ITPR2: variants seen among roughly 807,000 people sequenced by gnomAD.
ITPR2 encodes the protein inositol 1,4,5-trisphosphate-gated calcium channel ITPR2.
A neutral mutation model predicts 317.1 loss-of-function variants in ITPR2; 207 were observed. That is an observed-to-expected ratio of 0.65 (90% CI 0.58 to 0.73). The LOEUF (loss-of-function observed/expected upper bound fraction) is 0.73. ITPR2 is among the 30% of genes least tolerant of loss of function. The pLI, the probability that ITPR2 is intolerant of heterozygous loss-of-function variation, is 0.00. For missense variants in ITPR2, 2,613 were observed against 3,284.0 expected (o/e 0.80, Z 4.99); for synonymous variants, 1,156 against 1,149.1 (o/e 1.01, Z -0.12).
chr12:26,497,391 T>C (rs1181023694), intron 37 of ITPR2, among the ~76,000 whole-genome samples: 2 of 152,188 alleles, frequency 1.3e-5, no homozygotes, highest in Admixed American at 1.3e-4. Context: ...CCTGACCTCC[T>C]GATCCGCCTG....
At chr12:26,648,052 T>C (rs1485942103) in intron 21 of ITPR2, among the ~76,000 whole-genome samples, 2 of 152,140 alleles carry the variant, frequency 1.3e-5, no homozygotes, top group South Asian at 4.1e-4. Flanking sequence ...CAACTTACAA[T>C]GACACTGAGG....
chr12:26,538,766 A>G (rs10842752), intron 37 of ITPR2, among the ~76,000 whole-genome samples: 88,932 of 151,624 alleles, frequency 0.59, 29,129 homozygotes, highest in Non-Finnish European at 0.76. Context: ...TAGTAGATAC[A>G]GGGTTTCACC....
intron 2 of ITPR2, among the ~76,000 whole-genome samples, chr12:26,767,960 T>C (rs35333321): frequency 0.033 from 5,079 of 152,176 alleles, 124 homozygotes; most frequent in Non-Finnish European, 0.053. Flanking sequence ...TCACAGAAAA[T>C]AGGCTTTCTC....
chr12:26,794,635 C>T (rs1298748111), intron 1 of ITPR2, among the ~76,000 whole-genome samples: 2 of 152,204 alleles, frequency 1.3e-5, no homozygotes, highest in Admixed American at 6.5e-5. Flanking sequence ...ATAAGTATGA[C>T]ATACACATTA....
intron 24 of ITPR2, among the ~76,000 whole-genome samples, chr12:26,622,991 C>T (rs1464603202): frequency 6.6e-6 from 1 of 152,172 alleles, no homozygotes; most frequent in East Asian, 1.9e-4. Context: ...AATACAACAC[C>T]ACAAACTAGT....
chr12:26,811,045 A>C (rs1447084719), intron 1 of ITPR2, among the ~76,000 whole-genome samples: 2 of 44,390 alleles, frequency 4.5e-5, no homozygotes, highest in East Asian at 1.1e-3. Flanking sequence ...ACAAAAAAAA[A>C]AAAAAAAAAA....
chr12:26,818,544 C>A (rs1337263279), intron 1 of ITPR2, among the ~76,000 whole-genome samples: 1 of 152,166 alleles, frequency 6.6e-6, no homozygotes, highest in Non-Finnish European at 1.5e-5. Context: ...AATAAAAGTC[C>A]TTTTCTCATT....
At chr12:26,768,580 A>AC (rs1949779669) in intron 2 of ITPR2, among the ~76,000 whole-genome samples, 11 of 119,854 alleles carry the variant, frequency 9.2e-5, no homozygotes, top group Non-Finnish European at 2.0e-4. Flanking sequence ...ATAAAAAAAA[A>AC]AAAAAAAAAA....
intron 14 of ITPR2, among the ~76,000 whole-genome samples, chr12:26,664,320 T>C (rs1947570110): frequency 2.2e-5 from 2 of 92,464 alleles, no homozygotes; most frequent in Admixed American, 2.7e-4. Context: ...AACTGCTTTA[T>C]AAAAGAGTTA....
intron 37 of ITPR2, among the ~76,000 whole-genome samples, chr12:26,516,320 A>AGGAAG (rs1943514273): frequency 2.9e-4 from 42 of 143,558 alleles, no homozygotes; most frequent in Middle Eastern, 3.6e-3. Flanking sequence ...AGGAAAGGAA[A>AGGAAG]GGAAAGGAAA....
rs1404127969 is a variant in ITPR2, at chr12:26,428,064, A to G, written c.6794T>C (p.Val2265Ala). 1 of 1,605,648 alleles carries G rather than the reference A, an allele frequency of 6.2e-7. No individual in the cohort carries two copies. Among genetic ancestry groups the G allele is most frequent in the African/African-American group, 1.3e-5 (1 of 74,366 alleles). Residue 2265 changes from valine (V) to alanine (A), a missense_variant, in exon 49 of 57, where the codon GTT becomes GCT. Physicochemically the swap from Val to Ala is moderately conservative, Grantham distance 64. Coordinates refer to ENST00000381340, the MANE Select transcript of ITPR2 (RefSeq NM_002223.4). ...DEGTLSPLFS[V>A]LLWIAVAICT... ...GATCGCAACTGCTATCCAAAGAAGA[A>G]CCGAGAACAATGGAGAAAGTGTACC...
At chr12:26,531,471 A>AT (rs1308571952) in intron 37 of ITPR2, among the ~76,000 whole-genome samples, 1 of 152,112 alleles carries the variant, frequency 6.6e-6, no homozygotes, top group African/African-American at 2.4e-5. Context: ...ATGCTCCTTG[A>AT]TTTTTTCATT....
intron 1 of ITPR2, among the ~76,000 whole-genome samples, chr12:26,807,662 T>A (rs1387754128): frequency 1.3e-5 from 2 of 152,212 alleles, no homozygotes; most frequent in Non-Finnish European, 2.9e-5. Flanking sequence ...TTATTAAAAA[T>A]TCTGCAAGAA....
At chr12:26,802,973 T>A (rs1033911219) in intron 1 of ITPR2, among the ~76,000 whole-genome samples, 2 of 152,192 alleles carry the variant, frequency 1.3e-5, no homozygotes, top group Non-Finnish European at 2.9e-5. Flanking sequence ...ATATATTCTT[T>A]TTGAGCATAT....
chr12:26,655,396 C>T (rs1416990546), intron 20 of ITPR2, among the ~76,000 whole-genome samples: 2 of 152,074 alleles, frequency 1.3e-5, no homozygotes, highest in African/African-American at 2.4e-5. Flanking sequence ...AGGTGGATCA[C>T]GAGGTCAGGA....
At chr12:26,734,811 T>C (rs984232311) in intron 2 of ITPR2, among the ~76,000 whole-genome samples, 3 of 152,154 alleles carry the variant, frequency 2.0e-5, no homozygotes, top group Admixed American at 6.5e-5. Flanking sequence ...CAGAGATTTA[T>C]TCATAATAAC....
intron 54 of ITPR2, among the ~76,000 whole-genome samples, chr12:26,394,091 G>A (rs764809725): frequency 6.6e-6 from 1 of 152,094 alleles, no homozygotes; most frequent in Non-Finnish European, 1.5e-5. Flanking sequence ...GTTAAGCCTC[G>A]TGCTAGAGAT....
Position 26,486,190 on chromosome 12 carries a change from C to T in ITPR2, c.5725G>A (p.Val1909Ile). 2 of 1,614,132 alleles carry T rather than the reference C, an allele frequency of 1.2e-6. No homozygotes were observed. Among genetic ancestry groups the T allele is most frequent in the Admixed American group, 1.7e-5 (1 of 60,016 alleles). The stretch of plus-strand genomic sequence containing the variant: ...ATGGCAATTGCGGGACTCATTGTTA[C>T]TTCCTCTGCGGATTTTTCCTCAGTG... ...GNTEEKSAEE[V>I]TMSPAIAIMQ... The change falls in exon 41 of 57, where the codon GTA (valine) becomes ATA (isoleucine). Residue 1909 changes from valine to isoleucine, a missense_variant. Physicochemically the swap from Val to Ile is conservative, Grantham distance 29 (BLOSUM62 3). Coordinates refer to ENST00000381340, the MANE Select transcript of ITPR2 (RefSeq NM_002223.4).
chr12:26,469,732 A>G (rs1006554436), intron 45 of ITPR2, among the ~76,000 whole-genome samples: 1 of 151,940 alleles, frequency 6.6e-6, no homozygotes, highest in African/African-American at 2.4e-5. Context: ...TAAGCACTCA[A>G]TGCATCTGTG....
Sources: gnomAD v4.1 joint callset for allele counts (sites outside exome capture counted in the v4.1 genomes callset) on GRCh38, gnomAD v4.1.1 for gene constraint, MANE v1.5 for transcripts, NCBI Gene and HGNC (gene_info 2026-07-23, HGNC 2026-07-21) for gene names.